The following REXO1 variants were observed in gnomAD, a reference collection of about 807,000 sequenced individuals.
The protein encoded by REXO1 is REX1, RNA exonuclease 1 homolog.
A neutral mutation model predicts 102.6 loss-of-function variants in REXO1; 42 were observed. The ratio of observed to expected loss-of-function variants is 0.41; its 90% CI spans 0.32 to 0.53. The LOEUF (loss-of-function observed/expected upper bound fraction) is 0.53. Ranked by LOEUF, REXO1 falls within the 20% of genes least tolerant of loss-of-function variation. The pLI is 0.27. For synonymous variants in REXO1, 908 were observed against 779.1 expected (o/e 1.17, Z -2.76); for missense variants, 1,819 against 1,732.5 (o/e 1.05, Z -0.89).
At chr19:1,830,453 G>A (rs542870487) in intron 1 of REXO1, among the ~76,000 whole-genome samples, 1 of 152,338 alleles carries the variant, frequency 6.6e-6, no homozygotes, top group African/African-American at 2.4e-5. Flanking sequence ...AGGCTGCAGC[G>A]AGCCAGGATT....
rs754914580 is a variant in REXO1 at position 1,825,958 on chromosome 19, C to T, written c.1912-15G>A. The stretch of plus-strand genomic sequence containing the variant: ...TCCTTGGGGGGCTAAGACACATGTC[C>T]GTCCGTCAGCACAGGTCTGCCCTCG... On this transcript the variant is annotated splice_polypyrimidine_tract_variant and intron_variant, in intron 2 of 15. Transcript: ENST00000170168. The T allele has an allele frequency of 1.0e-5, 16 of 1,584,848 alleles. No individual in the cohort carries two copies. Among genetic ancestry groups the T allele is most frequent in the South Asian group, 8.8e-5 (8 of 90,462 alleles).
chr19:1,835,485 T>C (rs888135022), intron 1 of REXO1, among the ~76,000 whole-genome samples: 1 of 151,768 alleles, frequency 6.6e-6, no homozygotes, highest in African/African-American at 2.4e-5. Flanking sequence ...GAAGTGGAGG[T>C]TGCAGTGAGC....
chr19:1,839,491 TG>T (rs1208800652), intron 1 of REXO1, among the ~76,000 whole-genome samples: 2 of 152,180 alleles, frequency 1.3e-5, no homozygotes, highest in African/African-American at 4.8e-5. Context: ...GTTCCTAGGA[TG>T]GGTGCCGTGG....
intron 1 of REXO1, among the ~76,000 whole-genome samples, chr19:1,839,298 C>T (rs2011196109): frequency 6.6e-6 from 1 of 151,890 alleles, no homozygotes; most frequent in Admixed American, 6.6e-5. Context: ...CCTCCTCATC[C>T]CAGGGCCTTT....
intron 3 of REXO1, among the ~76,000 whole-genome samples, chr19:1,825,078 G>A (rs2069669383): frequency 6.7e-6 from 1 of 150,322 alleles, no homozygotes. Flanking sequence ...CATTTTGGGA[G>A]GCCGAGGTAG....
At chr19:1,834,623 G>A (rs1329319454) in intron 1 of REXO1, among the ~76,000 whole-genome samples, 1 of 152,104 alleles carries the variant, frequency 6.6e-6, no homozygotes, top group African/African-American at 2.4e-5. Flanking sequence ...CGCTGTAATT[G>A]CCCAGGCTGG....
In REXO1 at chr19:1,842,026, C is replaced by T. The variant is rs568136706; in HGVS notation, c.157+6176G>A. Among the ~76,000 whole-genome samples, 10 of 152,246 alleles carry T rather than the reference C, an allele frequency of 6.6e-5. No individual in the cohort carries two copies. The East Asian group carries it at 1.9e-3, about 29-fold the overall frequency. On this transcript the variant is annotated intron_variant, in intron 1 of 15. Coordinates refer to ENST00000170168, the MANE Select transcript of REXO1 (RefSeq NM_020695.4). Reference sequence around the variant, plus strand: ...AGGAGTTCGAGACCAGCCTGGCCAACATGGTGAAACCCCATCTCTACTAAA... The same window carrying T: ...AGGAGTTCGAGACCAGCCTGGCCAATATGGTGAAACCCCATCTCTACTAAA...
chr19:1,820,387 C>T lies in REXO1; in HGVS notation c.2403G>A (p.Lys801=). Residue 801 remains lysine, a synonymous_variant, in exon 6 of 16, where the codon AAG becomes AAA. Coordinates refer to ENST00000170168, the MANE Select transcript of REXO1 (RefSeq NM_020695.4). Reference sequence around the variant, plus strand: ...CAAACTCTTTGGGGATAATGGGTTTCTTTAAACTCTAGAGGGAAGGCAAAA... The same window carrying T: ...CAAACTCTTTGGGGATAATGGGTTTTTTTAAACTCTAGAGGGAAGGCAAAA... ...IAHSPSLQSL[K]KPIIPKEFGG... is the part of the protein sequence containing the mutation. 6.2e-7 allele frequency: 1 copy of T among 1,613,310 alleles called. No individual in the cohort carries two copies. The highest frequency in any genetic ancestry group is 8.5e-7 in the Non-Finnish European group (1 of 1,179,780).
chr19:1,834,891 A>C (rs1372653904), intron 1 of REXO1: 1 of 341,822 alleles, frequency 2.9e-6, no homozygotes, highest in Non-Finnish European at 6.4e-6. Flanking sequence ...TGAGATCAGG[A>C]TCTGCACCAC....
chr19:1,834,372 C>A (rs1402619612), intron 1 of REXO1, among the ~76,000 whole-genome samples: 1 of 152,122 alleles, frequency 6.6e-6, no homozygotes, highest in Non-Finnish European at 1.5e-5. Context: ...TGATAAGGGT[C>A]CAATCTGGGG....
rs2069811830 is a variant in REXO1 at position 1,828,465 on chromosome 19, G to A, written c.324C>T (p.Arg108=). ...VRSEVELEQR[R]YRELLETTRE... ...GGGTCGTCTCCAGCAGCTCCCGGTA[G>A]CGCCGCTGCTCCAGCTCCACCTCAC... Residue 108 remains arginine, a synonymous_variant, in exon 2 of 16, where the codon CGC becomes CGT. Transcript: ENST00000170168. The A allele has an allele frequency of 6.2e-7, 1 of 1,607,116 alleles. No individual in the cohort carries two copies. The highest frequency in any genetic ancestry group is 1.3e-5 in the African/African-American group (1 of 74,910).
At chr19:1,828,751 C>T (rs1188654155) in intron 1 of REXO1, 120 bp from the exon 2 acceptor site, 12 of 1,284,160 alleles carry the variant, frequency 9.3e-6, no homozygotes, top group Non-Finnish European at 1.3e-5. Flanking sequence ...ACCCACCACG[C>T]ACTGGCGCCC....
chr19:1,815,676 T>G lies in REXO1; in HGVS notation c.*390A>C. On this transcript the variant is annotated 3_prime_UTR_variant, in exon 16 of 16. Transcript: ENST00000170168. This position sits in a 1 kb window ranked among gnomAD's most constrained non-coding sequence, Gnocchi z 4.0. Reference sequence around the variant, plus strand: ...ATAACAATACAAAATAAAAAAAGACTGTCTCAAACAAACCTGGGACAAGCC... The same window carrying G: ...ATAACAATACAAAATAAAAAAAGACGGTCTCAAACAAACCTGGGACAAGCC... 3 of 1,282,354 alleles carry G rather than the reference T, an allele frequency of 2.3e-6. No individual in the cohort carries two copies. The highest frequency in any genetic ancestry group is 3.0e-6 in the Non-Finnish European group (3 of 1,004,426). 79.4% of individuals were successfully genotyped at this position (1,282,354 alleles called of 1,614,324 possible). A position where few individuals can be genotyped will look rare whatever the true frequency, so the allele number is the denominator to read the frequency against.
chr19:1,840,757 G>A (rs1413307678), intron 1 of REXO1, among the ~76,000 whole-genome samples: 1 of 148,744 alleles, frequency 6.7e-6, no homozygotes, highest in Non-Finnish European at 1.5e-5. Flanking sequence ...CACCCCCTCC[G>A]CTTCTGCTTC....
rs112955451 is a variant in REXO1 at position 1,828,479 on chromosome 19, G to A, written c.310C>T (p.Leu104=). 1 of 1,606,328 alleles carries A rather than the reference G, an allele frequency of 6.2e-7. No homozygotes were observed. The highest frequency in any genetic ancestry group is 2.2e-5 in the East Asian group (1 of 44,870). The part of the protein sequence containing the change: ...AIEAVRSEVE[L]EQRRYRELLE... ...AGCTCCCGGTAGCGCCGCTGCTCCA[G>A]CTCCACCTCACTGCGCACGGCCTCG... The change falls in exon 2 of 16, where the codon CTG becomes TTG. Residue 104 remains leucine, a synonymous_variant. Transcript: ENST00000170168.
At chr19:1,828,761 C>T (rs2069823591) in intron 1 of REXO1, 130 bp from the exon 2 acceptor site, 9 of 1,229,770 alleles carry the variant, frequency 7.3e-6, no homozygotes, top group Admixed American at 2.7e-5. Flanking sequence ...CACTGGCGCC[C>T]GCCAAGGCTC....
intron 1 of REXO1, among the ~76,000 whole-genome samples, chr19:1,843,092 G>T (rs1350694836): frequency 6.6e-6 from 1 of 152,156 alleles, no homozygotes; most frequent in Admixed American, 6.5e-5. Context: ...GTAGGAGTGT[G>T]GGGGAGGGCT....
intron 1 of REXO1, among the ~76,000 whole-genome samples, chr19:1,841,880 C>T (rs925473027): frequency 2.6e-5 from 4 of 152,170 alleles, no homozygotes; most frequent in Non-Finnish European, 5.9e-5. Context: ...CTGCCTCTCC[C>T]TACAGGCAGA....
chr19:1,818,364 A>T, intron 10 of REXO1, 118 bp downstream of exon 10: 2 of 728,132 alleles, frequency 2.7e-6, no homozygotes, highest in Non-Finnish European at 4.6e-6. Context: ...CAGCCCAGGG[A>T]CCCTGAGTGG....
Sources: gnomAD v4.1 joint callset for allele counts (sites outside exome capture counted in the v4.1 genomes callset) on GRCh38, gnomAD v4.1.1 for gene constraint, Gnocchi (gnomAD v3.1) non-coding constraint, MANE v1.5 for transcripts, NCBI Gene and HGNC (gene_info 2026-07-23, HGNC 2026-07-21) for gene names.